The following PLSCR2 variants were observed in gnomAD, a reference collection of about 807,000 sequenced individuals.
PLSCR2 encodes the protein PL scramblase 2.
In PLSCR2, 18 loss-of-function variants were observed where a neutral mutation model predicts 25.3. The observed-to-expected ratio is 0.71, with a 90% CI of 0.49 to 1.06. PLSCR2 has a LOEUF of 1.06. Among genes scored for constraint, PLSCR2 ranks in the 50% least tolerant of loss-of-function variants. PLSCR2 has a pLI of 0.00. For synonymous variants in PLSCR2, 88 were observed against 87.3 expected (o/e 1.01, Z -0.04); for missense variants, 243 against 269.5 (o/e 0.90, Z 0.69).
At chr3:146,461,751 CACCA>C (rs75584180), upstream of PLSCR2, 52 of 696,562 alleles carry the variant, frequency 7.5e-5, no homozygotes, top group Admixed American at 3.0e-4. Context: ...GCATGGTTGT[CACCA>C]AAGCAATAGG....
chr3:146,458,353 T>C, intron 3 of PLSCR2, 58 bp downstream of exon 3: 10 of 1,386,016 alleles, frequency 7.2e-6, no homozygotes, highest in Non-Finnish European at 7.8e-6. Context: ...TTGATGTATC[T>C]TTATTTGCAT....
At chr3:146,441,616 A>G (rs1473729736), downstream of PLSCR2, 1 of 445,900 alleles carries the variant, frequency 2.2e-6, no homozygotes, top group Admixed American at 4.3e-5. Flanking sequence ...TGAAAAGTGA[A>G]ATTATATACT....
intron 6 of PLSCR2, among the ~76,000 whole-genome samples, chr3:146,446,164 T>C (rs1260891654): frequency 6.6e-6 from 1 of 152,170 alleles, no homozygotes; most frequent in Non-Finnish European, 1.5e-5. Flanking sequence ...CCTTATTTAG[T>C]TCATTTGGTG....
intron 1 of PLSCR2, among the ~76,000 whole-genome samples, chr3:146,466,578 A>T (rs534427750): frequency 2.0e-4 from 30 of 152,332 alleles, no homozygotes; most frequent in Admixed American, 5.9e-4. Context: ...TAAACCAAGG[A>T]GACAAAAGCA....
At chr3:146,427,804 C>T (rs2039408932) in intron 2 of PLSCR2, among the ~76,000 whole-genome samples, 1 of 152,118 alleles carries the variant, frequency 6.6e-6, no homozygotes, top group Admixed American at 6.6e-5. Context: ...ACTTAAGCAC[C>T]TTGAGGATAA....
At chr3:146,413,859 C>G (rs554041289) in intron 2 of PLSCR2, among the ~76,000 whole-genome samples, 103 of 152,314 alleles carry the variant, frequency 6.8e-4, no homozygotes, top group African/African-American at 2.4e-3. Context: ...ACCCATGACC[C>G]AGTTCCAAAG....
chr3:146,437,027 G>A (rs556176261), downstream of PLSCR2, among the ~76,000 whole-genome samples: 1 of 152,212 alleles, frequency 6.6e-6, no homozygotes, highest in East Asian at 1.9e-4. Context: ...TATCTATTGA[G>A]ATAATCATGT....
upstream of PLSCR2, among the ~76,000 whole-genome samples, chr3:146,460,957 G>A (rs2041537207): frequency 6.6e-6 from 1 of 151,916 alleles, no homozygotes; most frequent in Admixed American, 6.6e-5. Context: ...TAGATCTTTA[G>A]AACACATAAT....
intron 1 of PLSCR2, among the ~76,000 whole-genome samples, chr3:146,472,219 A>G (rs983042243): frequency 2.0e-5 from 3 of 152,222 alleles, no homozygotes; most frequent in Admixed American, 6.5e-5. Flanking sequence ...TGTACGAGAA[A>G]TAGGTGTATT....
At chr3:146,408,055 C>G (rs371937491) in intron 2 of PLSCR2, among the ~76,000 whole-genome samples, 1 of 152,108 alleles carries the variant, frequency 6.6e-6, no homozygotes, top group East Asian at 1.9e-4. Context: ...CATTTGACAT[C>G]CATTCACCAG....
chr3:146,416,223 T>C (rs1259836432), intron 2 of PLSCR2, among the ~76,000 whole-genome samples: 2 of 152,204 alleles, frequency 1.3e-5, no homozygotes, highest in Admixed American at 6.5e-5. Context: ...GTGCTAGGAT[T>C]ACAGGCGTGA....
At chr3:146,403,185 C>T (rs891128091) in intron 2 of PLSCR2, among the ~76,000 whole-genome samples, 8 of 151,976 alleles carry the variant, frequency 5.3e-5, no homozygotes, top group African/African-American at 1.9e-4. Flanking sequence ...TAACTACATG[C>T]TCTACTTTGT....
chr3:146,461,261 A>G (rs994033084), upstream of PLSCR2, among the ~76,000 whole-genome samples: 1 of 152,234 alleles, frequency 6.6e-6, no homozygotes, highest in Non-Finnish European at 1.5e-5. Context: ...AATAGGCAAT[A>G]CATTTAAGTG....
chr3:146,458,848 T>C (rs1195956304), intron 2 of PLSCR2, among the ~76,000 whole-genome samples: 5 of 152,082 alleles, frequency 3.3e-5, no homozygotes, highest in South Asian at 4.1e-4. Flanking sequence ...TAGTAAGTGA[T>C]AATTTCTTCT....
At chr3:146,407,581 G>A (rs1433898308) in intron 2 of PLSCR2, among the ~76,000 whole-genome samples, 1 of 152,178 alleles carries the variant, frequency 6.6e-6, no homozygotes, top group Non-Finnish European at 1.5e-5. Flanking sequence ...TTTGAAAATG[G>A]GGGATTCTTC....
At chr3:146,437,366 T>A (rs1055936389), downstream of PLSCR2, among the ~76,000 whole-genome samples, 1 of 152,216 alleles carries the variant, frequency 6.6e-6, no homozygotes, top group East Asian at 1.9e-4. Context: ...AGCTCCTCTT[T>A]GTACGTCTGG....
chr3:146,463,747 G>A, upstream of PLSCR2: 2 of 410,318 alleles, frequency 4.9e-6, no homozygotes, highest in Non-Finnish European at 6.6e-6. Context: ...TCCTCCTACT[G>A]TGCAATCCTA....
Position 146,451,838 on chromosome 3 carries a change from A to G in PLSCR2, c.483+2164T>C, listed in dbSNP as rs187339537. On this transcript the variant is annotated intron_variant, in intron 5 of 6. Coordinates refer to ENST00000610787, the Ensembl canonical transcript of PLSCR2. ...TTCTGGATTGGTGAACTCACTTGCC[A>G]TGAAGGTGGCTTACCCCAGTTCCAC... 2.8e-3 allele frequency among the ~76,000 whole-genome samples: 428 copies of G among 152,322 alleles called. 2 individuals are homozygous for G. The highest frequency in any genetic ancestry group is 5.0e-3 in the Non-Finnish European group (337 of 68,020).
At chr3:146,422,275 G>A (rs774034764) in intron 2 of PLSCR2, among the ~76,000 whole-genome samples, 23 of 152,076 alleles carry the variant, frequency 1.5e-4, no homozygotes, top group South Asian at 1.5e-3. Context: ...AAGTCTCCAG[G>A]GTGATATTTT....
Sources: gnomAD v4.1 joint callset for allele counts (sites outside exome capture counted in the v4.1 genomes callset) on GRCh38, gnomAD v4.1.1 for gene constraint, MANE v1.5 for transcripts, NCBI Gene and HGNC (gene_info 2026-07-23, HGNC 2026-07-21) for gene names.